ADGRV1: variants seen among roughly 807,000 people sequenced by gnomAD.
The protein encoded by ADGRV1 is G-protein coupled receptor 98.
In ADGRV1, 359 loss-of-function variants were observed where a neutral mutation model predicts 596.2. The ratio of observed to expected loss-of-function variants is 0.60; its 90% confidence interval spans 0.55 to 0.66. ADGRV1 has a LOEUF of 0.66. Ranked by LOEUF, ADGRV1 falls within the 30% of genes least tolerant of loss-of-function variation. The pLI, the probability that ADGRV1 is intolerant of heterozygous loss-of-function variation, is 0.00. For synonymous variants in ADGRV1, 2,681 were observed against 2,679.2 expected (o/e 1.00, Z -0.02); for missense variants, 7,274 against 7,575.6 (o/e 0.96, Z 1.48).
chr5:90,887,074 C>T (rs1012259107), intron 83 of ADGRV1, among the ~76,000 whole-genome samples: 3 of 152,106 alleles, frequency 2.0e-5, no homozygotes, highest in Non-Finnish European at 4.4e-5. Flanking sequence ...TATTGATACC[C>T]TTTTACAGCT....
intron 87 of ADGRV1, among the ~76,000 whole-genome samples, chr5:91,143,302 G>A (rs1189677929): frequency 6.6e-6 from 1 of 152,236 alleles, no homozygotes; most frequent in African/African-American, 2.4e-5. Context: ...TGGCAAGGAA[G>A]GGGTGTGTTT....
Position 90,775,762 on chromosome 5 carries a change from T to A in ADGRV1, c.12404-691T>A, listed in dbSNP as rs1017620172. ...CAAAGTGTTGGGATTACAGGTATGA[T>A]CCACTGCACCTAATTCTTAATATCT... On this transcript the variant is annotated intron_variant, in intron 60 of 89. Transcript: ENST00000405460. 2.0e-5 allele frequency among the ~76,000 whole-genome samples: 3 copies of A among 152,180 alleles called. No homozygotes were observed. The East Asian group carries it at 5.8e-4, about 29-fold the overall frequency.
In ADGRV1 at chr5:90,725,148, T is replaced by C; in HGVS notation, c.9969T>C (p.Phe3323=). 6.5e-7 allele frequency: 1 copy of C among 1,548,104 alleles called. No homozygotes were observed. Among genetic ancestry groups the C allele is most frequent in the Non-Finnish European group, 8.8e-7 (1 of 1,138,562 alleles). Residue 3323 remains phenylalanine (F), a synonymous_variant, in exon 47 of 90, where the codon TTT becomes TTC. Coordinates refer to ENST00000405460, the MANE Select transcript of ADGRV1 (RefSeq NM_032119.4). ...TTAATATTGGTTTTTCTCCCTACTT[T>C]GTGATTACTCATGAAGAAAGAAATG... The part of the protein sequence containing the change: ...EAFNIGFSPY[F]VITHEERNEE...
intron 58 of ADGRV1, among the ~76,000 whole-genome samples, chr5:90,761,892 T>C (rs1397294148): frequency 6.6e-6 from 1 of 152,206 alleles, no homozygotes; most frequent in East Asian, 1.9e-4. Context: ...GTCTTTCCTA[T>C]CACAAAAGTT....
chr5:90,839,536 C>T (rs1765255970), intron 77 of ADGRV1, among the ~76,000 whole-genome samples: 2 of 152,084 alleles, frequency 1.3e-5, no homozygotes, highest in Admixed American at 1.3e-4. Flanking sequence ...ACAGCAGCAT[C>T]CAGCACTCTC....
chr5:91,107,747 C>T (rs1792018743), intron 87 of ADGRV1, among the ~76,000 whole-genome samples: 1 of 152,120 alleles, frequency 6.6e-6, no homozygotes, highest in Admixed American at 6.5e-5. Flanking sequence ...GATTAGACAA[C>T]TTAAATCTGT....
intron 11 of ADGRV1, among the ~76,000 whole-genome samples, chr5:90,638,180 A>G (rs971366644): frequency 1.3e-5 from 2 of 152,082 alleles, no homozygotes; most frequent in South Asian, 4.1e-4. Context: ...GTGAAGAAGC[A>G]CTACAGAGAG....
chr5:90,765,376 T>C (rs934554542), intron 59 of ADGRV1, among the ~76,000 whole-genome samples: 2 of 151,970 alleles, frequency 1.3e-5, no homozygotes, highest in South Asian at 2.1e-4. Flanking sequence ...ATATTTACTA[T>C]GTCTGGGATT....
At chr5:90,795,086 G>GT (rs35362542) in intron 70 of ADGRV1, among the ~76,000 whole-genome samples, 6,963 of 120,398 alleles carry the variant, frequency 0.058, 320 homozygotes, top group East Asian at 0.22. Flanking sequence ...AGCTGCAGAA[G>GT]TTTTTTTTTT....
chr5:90,828,032 T>C (rs558108168), intron 76 of ADGRV1, among the ~76,000 whole-genome samples: 142 of 152,290 alleles, frequency 9.3e-4, no homozygotes, highest in African/African-American at 3.2e-3. Flanking sequence ...GGTAACAATA[T>C]TGCTAAGATT....
At position 90,644,777 on chromosome 5, in the gene ADGRV1, T is replaced by G. The variant is rs1211501436; in HGVS notation, c.2806T>G (p.Phe936Val). 6.2e-7 allele frequency: 1 copy of G among 1,611,668 alleles called. No individual in the cohort carries two copies. Among genetic ancestry groups the G allele is most frequent in the Admixed American group, 1.7e-5 (1 of 59,720 alleles). The change falls in exon 15 of 90, where the codon TTT becomes GTT. Residue 936 changes from phenylalanine (F) to valine (V), a missense_variant. This residue lies in a region of ADGRV1 where 1,715 missense variants were observed against 1,708.8 expected (regional missense o/e 1.00). Transcript: ENST00000405460. ...TGTATCATGGGTGGTTAGTCCAGAC[T>G]TTACACAAGATGTATTTCCTGTACA... ...VSVSWVVSPD[F>V]TQDVFPVQGT...
chr5:90,619,545 A>G (rs923018892), intron 4 of ADGRV1, among the ~76,000 whole-genome samples: 1 of 152,142 alleles, frequency 6.6e-6, no homozygotes, highest in Non-Finnish European at 1.5e-5. Context: ...ACTCTTCTGA[A>G]AGTTTGGAGT....
intron 87 of ADGRV1, among the ~76,000 whole-genome samples, chr5:91,131,392 TG>T (rs1794198030): frequency 6.6e-6 from 1 of 152,100 alleles, no homozygotes; most frequent in Non-Finnish European, 1.5e-5. Flanking sequence ...GTTGACTGCT[TG>T]TATGTCTTCT....
intron 86 of ADGRV1, among the ~76,000 whole-genome samples, chr5:91,100,209 C>T (rs1323477477): frequency 4.6e-5 from 7 of 152,120 alleles, no homozygotes; most frequent in Non-Finnish European, 1.0e-4. Context: ...ATCGCTTGAG[C>T]CCGGAAGTTC....
chr5:91,112,859 G>C (rs901885157), intron 87 of ADGRV1, among the ~76,000 whole-genome samples: 1 of 152,040 alleles, frequency 6.6e-6, no homozygotes, highest in Non-Finnish European at 1.5e-5. Context: ...TTGTCCTAAG[G>C]ATTGTGTAAA....
intron 1 of ADGRV1, among the ~76,000 whole-genome samples, chr5:90,575,782 G>A (rs1757123616): frequency 6.6e-6 from 1 of 152,190 alleles, no homozygotes; most frequent in Admixed American, 6.5e-5. Context: ...ACATGGGGGC[G>A]GGTCATCCTG....
chr5:90,721,752 A>G (rs938052896), intron 45 of ADGRV1, among the ~76,000 whole-genome samples: 14 of 152,106 alleles, frequency 9.2e-5, no homozygotes, highest in Non-Finnish European at 1.9e-4. Flanking sequence ...TTGAAAGAAT[A>G]TAGGGGAATG....
chr5:90,876,814 CAT>C (rs973326978), intron 83 of ADGRV1, among the ~76,000 whole-genome samples: 6 of 152,150 alleles, frequency 3.9e-5, no homozygotes, highest in Admixed American at 2.6e-4. Flanking sequence ...AAATTTATCT[CAT>C]GTTTGCAGTT....
chr5:90,869,929 T>G (rs1768505981), intron 83 of ADGRV1, among the ~76,000 whole-genome samples: 1 of 152,200 alleles, frequency 6.6e-6, no homozygotes, highest in East Asian at 1.9e-4. Context: ...ACTAAGTTGC[T>G]TCATAAATGA....
Sources: allele counts gnomAD v4.1 joint callset (sites outside exome capture counted in the v4.1 genomes callset), GRCh38; gene constraint gnomAD v4.1.1; regional missense constraint gnomAD v4.1.1; transcripts MANE v1.5; gene names NCBI Gene and HGNC (gene_info 2026-07-23, HGNC 2026-07-21).